FAM107B: variants seen among roughly 807,000 people sequenced by gnomAD.
FAM107B encodes the protein family with sequence similarity 107 member B.
A neutral mutation model predicts 31.5 loss-of-function variants in FAM107B; 21 were observed. That is an observed-to-expected ratio of 0.67 (90% CI 0.47 to 0.96). The LOEUF is 0.96. Ranked by LOEUF, FAM107B falls within the 40% of genes least tolerant of loss-of-function variation. The pLI is 0.00. For missense variants in FAM107B, 452 were observed against 377.1 expected (o/e 1.20, Z -1.64); for synonymous variants, 157 against 141.5 (o/e 1.11, Z -0.78).
At chr10:14,692,414 C>T (rs1855160350) in intron 1 of FAM107B, among the ~76,000 whole-genome samples, 1 of 152,104 alleles carries the variant, frequency 6.6e-6, no homozygotes, top group South Asian at 2.1e-4. Flanking sequence ...GGGGTGACTT[C>T]ATCGTACACT....
chr10:14,565,060 A>C (rs1007253408), intron 2 of FAM107B, among the ~76,000 whole-genome samples: 6 of 152,210 alleles, frequency 3.9e-5, no homozygotes, highest in African/African-American at 1.4e-4. Context: ...TCTCTAAAAA[A>C]TCAATTTAAT....
chr10:14,742,144 C>T (rs1856454970), intron 1 of FAM107B, among the ~76,000 whole-genome samples: 1 of 152,062 alleles, frequency 6.6e-6, no homozygotes, highest in African/African-American at 2.4e-5. Flanking sequence ...AAGGGTCTTG[C>T]TCTCTGGCCC....
intron 2 of FAM107B, among the ~76,000 whole-genome samples, chr10:14,537,864 C>T (rs1847801581): frequency 6.6e-6 from 1 of 151,160 alleles, no homozygotes; most frequent in Non-Finnish European, 1.5e-5. Context: ...TGAAATGCAC[C>T]AAACGCAATG....
rs1207659707 is a variant in FAM107B at position 14,521,156 on chromosome 10, G to A, written c.*34C>T. 6.5e-7 allele frequency: 1 copy of A among 1,537,702 alleles called. No individual in the cohort carries two copies. Among genetic ancestry groups the A allele is most frequent in the Non-Finnish European group, 9.0e-7 (1 of 1,112,286 alleles). On this transcript the variant is annotated 3_prime_UTR_variant, in exon 5 of 5. Transcript: ENST00000181796. ...AGAAGGCACCCACAGACAGCTCTGT[G>A]GGGTGACACACGAGGTCTTGGTGCA... is the stretch of plus-strand genomic sequence containing the variant.
chr10:14,695,668 T>C (rs1359935545), intron 1 of FAM107B, among the ~76,000 whole-genome samples: 2 of 152,216 alleles, frequency 1.3e-5, no homozygotes, highest in Non-Finnish European at 2.9e-5. Context: ...ATTTCACTAA[T>C]GTTTTATAGT....
chr10:14,555,983 C>G (rs1328162155), intron 2 of FAM107B: 1 of 152,948 alleles, frequency 6.5e-6, no homozygotes, highest in East Asian at 1.9e-4. Flanking sequence ...CACCCCACCC[C>G]CAAAAGGGGA....
At chr10:14,554,849 A>G (rs555622822) in intron 2 of FAM107B, among the ~76,000 whole-genome samples, 4 of 152,378 alleles carry the variant, frequency 2.6e-5, no homozygotes, top group African/African-American at 7.2e-5. Context: ...TCACAGAAGT[A>G]TATCAACCAA....
chr10:14,699,187 A>G (rs1200037728), intron 1 of FAM107B, among the ~76,000 whole-genome samples: 1 of 152,244 alleles, frequency 6.6e-6, no homozygotes, highest in Non-Finnish European at 1.5e-5. Context: ...AGTATGGACC[A>G]TGCTGTATTA....
chr10:14,646,729 C>T (rs1159181374), intron 2 of FAM107B, among the ~76,000 whole-genome samples: 1 of 150,334 alleles, frequency 6.7e-6, no homozygotes, highest in African/African-American at 2.5e-5. Flanking sequence ...CTCTTAGTTC[C>T]TTGAGAGCTC....
chr10:14,612,751 A>G (rs1852756053), intron 2 of FAM107B, among the ~76,000 whole-genome samples: 2 of 152,246 alleles, frequency 1.3e-5, no homozygotes, highest in African/African-American at 2.4e-5. Flanking sequence ...GTCCAAAATG[A>G]TAAGTGACAG....
chr10:14,666,474 C>T (rs995842522), intron 2 of FAM107B, among the ~76,000 whole-genome samples: 1 of 152,088 alleles, frequency 6.6e-6, no homozygotes, highest in African/African-American at 2.4e-5. Flanking sequence ...CCTACTGCGT[C>T]CCTCCCACAA....
At chr10:14,563,328 C>T (rs574497930) in intron 2 of FAM107B, among the ~76,000 whole-genome samples, 1 of 152,294 alleles carries the variant, frequency 6.6e-6, no homozygotes, top group African/African-American at 2.4e-5. Flanking sequence ...GAAAATTTCC[C>T]CCATGAATGC....
chr10:14,635,254 CAGA>C (rs948472705), intron 2 of FAM107B, among the ~76,000 whole-genome samples: 25 of 152,192 alleles, frequency 1.6e-4, no homozygotes, highest in East Asian at 1.4e-3. Flanking sequence ...GAGAAATATG[CAGA>C]AGAAGAACAG....
intron 2 of FAM107B, among the ~76,000 whole-genome samples, chr10:14,578,082 G>A (rs76493047): frequency 5.3e-5 from 8 of 152,080 alleles, no homozygotes; most frequent in Non-Finnish European, 8.8e-5. Context: ...CAGGGCGTGC[G>A]GGTACAAAGC....
chr10:14,537,461 C>A (rs1047616472), intron 2 of FAM107B, among the ~76,000 whole-genome samples: 7 of 152,170 alleles, frequency 4.6e-5, no homozygotes, highest in African/African-American at 7.2e-5. Context: ...TAAGTGTGAT[C>A]TTGGGTAAGG....
At chr10:14,615,237 G>A (rs576253675) in intron 2 of FAM107B, among the ~76,000 whole-genome samples, 1 of 152,270 alleles carries the variant, frequency 6.6e-6, no homozygotes, top group East Asian at 1.9e-4. Context: ...GCTGAGGCAG[G>A]AGGACCACTT....
Position 14,707,305 on chromosome 10 carries a change from T to A in FAM107B, c.412-39614A>T, listed in dbSNP as rs560928121. ...AATCAGTGCCACCTCCTAAGTGAGT[T>A]CAGGGGCTGTCATAACCTTCTTTCA... On this transcript the variant is annotated intron_variant, in intron 1 of 4. Transcript: ENST00000181796. Among the ~76,000 whole-genome samples, 29 of 152,292 alleles carry A rather than the reference T, an allele frequency of 1.9e-4. No homozygotes were observed. In the East Asian group the frequency reaches 3.1e-3, roughly 16 times the overall value.
Position 14,535,303 on chromosome 10 carries a change from T to C in FAM107B, c.470-4788A>G, listed in dbSNP as rs904533738. Among the ~76,000 whole-genome samples the C allele has an allele frequency of 1.3e-5, 2 of 152,216 alleles. 1 individual carries two copies. The highest frequency in any genetic ancestry group is 6.8e-3 in the Middle Eastern group (2 of 294). On this transcript the variant is annotated intron_variant, in intron 2 of 4. Coordinates refer to ENST00000181796, the MANE Select transcript of FAM107B (RefSeq NM_031453.4). ...ACCCCCAGCTCTCCTATGTGTAAAA[T>C]GAATGCTGTAAAAACTGAGTAAAAT...
intron 3 of FAM107B, among the ~76,000 whole-genome samples, chr10:14,525,957 CAGACGG>C (rs1201367821): frequency 6.6e-6 from 1 of 152,192 alleles, no homozygotes; most frequent in Admixed American, 6.5e-5. Context: ...CATTCAAGGG[CAGACGG>C]GGCGAGTCCC....
Sources: gnomAD v4.1 joint callset for allele counts (sites outside exome capture counted in the v4.1 genomes callset) on GRCh38, gnomAD v4.1.1 for gene constraint, MANE v1.5 for transcripts, NCBI Gene and HGNC (gene_info 2026-07-23, HGNC 2026-07-21) for gene names.